DLG2: variants seen among roughly 807,000 people sequenced by gnomAD.
DLG2 encodes discs large MAGUK scaffold protein 2.
Under a neutral mutation model 132.5 loss-of-function variants are expected in DLG2, and 45 were observed. The ratio of observed to expected loss-of-function variants is 0.34; its 90% CI spans 0.27 to 0.44. The LOEUF is 0.44. DLG2 is among the 20% of genes least tolerant of loss of function. DLG2 has a pLI of 1.00. For synonymous variants in DLG2, 424 were observed against 419.6 expected, an observed-to-expected ratio of 1.01 and a Z score of -0.13; for missense variants, 1,045 against 1,196.9, an observed-to-expected ratio of 0.87 and a Z score of 1.87.
intron 8 of DLG2, among the ~76,000 whole-genome samples, chr11:84,218,237 AAAGG>A (rs200076539): frequency 0.048 from 7,164 of 148,014 alleles, 249 homozygotes; most frequent in Non-Finnish European, 0.076. Context: ...GGAAGGAAGG[AAAGG>A]AAGGAAGGAA....
chr11:85,449,536 CTTATA>C lies in DLG2; in HGVS notation c.40+149116_40+149120del, dbSNP rs1375111837. 2.0e-5 allele frequency among the ~76,000 whole-genome samples: 3 copies of C among 151,576 alleles called. No individual in the cohort carries two copies. In the East Asian group the frequency reaches 5.8e-4, roughly 29 times the overall value. On this transcript the variant is annotated intron_variant, in intron 3 of 27. Coordinates refer to ENST00000376104, the MANE Select transcript of DLG2 (RefSeq NM_001142699.3). The stretch of plus-strand genomic sequence containing the variant: ...CTTTTTAATTATATCTTATTCCTTT[CTTATA>C]TTAGAGAGTACATGCTTTATTTAAA...
chr11:85,051,364 A>T (rs528778097), intron 6 of DLG2, among the ~76,000 whole-genome samples: 2 of 152,294 alleles, frequency 1.3e-5, no homozygotes, highest in Non-Finnish European at 2.9e-5. Flanking sequence ...AAATTATTCA[A>T]ATTTGCAGAG....
chr11:83,490,413 C>G (rs1272746001), intron 21 of DLG2, among the ~76,000 whole-genome samples: 2 of 151,834 alleles, frequency 1.3e-5, no homozygotes, highest in African/African-American at 2.4e-5. Flanking sequence ...AAAAGCTCTT[C>G]TTTAGAGTAT....
chr11:84,053,369 T>C (rs898898720), intron 11 of DLG2, among the ~76,000 whole-genome samples: 15 of 151,942 alleles, frequency 9.9e-5, no homozygotes, highest in Non-Finnish European at 2.1e-4. Context: ...CCAACCACCA[T>C]GGCACACGTT....
At chr11:84,228,309 T>G (rs1566993169) in intron 8 of DLG2, among the ~76,000 whole-genome samples, 1 of 152,236 alleles carries the variant, frequency 6.6e-6, no homozygotes, top group Non-Finnish European at 1.5e-5. Context: ...ATTTAGGGAC[T>G]AATTGTTCTC....
intron 18 of DLG2, among the ~76,000 whole-genome samples, chr11:83,739,356 C>T (rs953329687): frequency 1.3e-5 from 2 of 152,056 alleles, no homozygotes; most frequent in Non-Finnish European, 2.9e-5. Context: ...TTCTACTAAT[C>T]GTTTCTATGG....
intron 19 of DLG2, among the ~76,000 whole-genome samples, chr11:83,556,191 C>T (rs17145519): frequency 0.013 from 2,023 of 152,094 alleles, 47 homozygotes; most frequent in African/African-American, 0.047. Context: ...AAATCTCGTT[C>T]GAAGTTTGAC....
chr11:84,409,509 G>C (rs2098886700), intron 7 of DLG2, among the ~76,000 whole-genome samples: 1 of 152,146 alleles, frequency 6.6e-6, no homozygotes, highest in African/African-American at 2.4e-5. Flanking sequence ...CATACAACAT[G>C]TTGCACACAT....
intron 15 of DLG2, among the ~76,000 whole-genome samples, chr11:83,890,008 C>T (rs1489925912): frequency 1.3e-5 from 2 of 151,694 alleles, no homozygotes; most frequent in Non-Finnish European, 2.9e-5. Context: ...ATACCTAATG[C>T]TAACTGACGA....
At chr11:83,468,855 AT>A (rs2091592983) in intron 25 of DLG2, among the ~76,000 whole-genome samples, 1 of 152,162 alleles carries the variant, frequency 6.6e-6, no homozygotes, top group Non-Finnish European at 1.5e-5. Flanking sequence ...GAGAAAAAAA[AT>A]AACTTCCTCT....
Position 85,148,326 on chromosome 11 carries a change from C to A in DLG2, c.282+6230G>T, listed in dbSNP as rs139174808. On this transcript the variant is annotated intron_variant, in intron 5 of 27. Coordinates refer to ENST00000376104, the MANE Select transcript of DLG2 (RefSeq NM_001142699.3). Reference sequence around the variant, plus strand: ...TGGTTGTAGATCTTTGAGGAATTGGCACACTGTCTTCCACAACAGTTGAAC... The same window carrying A: ...TGGTTGTAGATCTTTGAGGAATTGGAACACTGTCTTCCACAACAGTTGAAC... Among the ~76,000 whole-genome samples, 286 of 152,212 alleles carry A rather than the reference C, an allele frequency of 1.9e-3. 1 individual carries two copies. The highest frequency in any genetic ancestry group is 6.7e-3 in the African/African-American group (278 of 41,512).
intron 7 of DLG2, among the ~76,000 whole-genome samples, chr11:84,476,872 T>A (rs921738320): frequency 3.3e-5 from 5 of 152,098 alleles, no homozygotes; most frequent in Admixed American, 2.6e-4. Context: ...ACATTCAGAG[T>A]GCAGACATAT....
chr11:85,351,252 T>C (rs1007012652), intron 3 of DLG2, among the ~76,000 whole-genome samples: 1 of 152,226 alleles, frequency 6.6e-6, no homozygotes, highest in Non-Finnish European at 1.5e-5. Flanking sequence ...TTTTTGCACA[T>C]TGATTTTTTA....
chr11:85,331,530 C>T (rs2081745866), intron 3 of DLG2, among the ~76,000 whole-genome samples: 1 of 152,008 alleles, frequency 6.6e-6, no homozygotes, highest in Non-Finnish European at 1.5e-5. Context: ...AAATTGCATG[C>T]CACTGGGATT....
At chr11:84,084,990 A>C (rs2096956670) in intron 10 of DLG2, among the ~76,000 whole-genome samples, 1 of 152,192 alleles carries the variant, frequency 6.6e-6, no homozygotes, top group Non-Finnish European at 1.5e-5. Flanking sequence ...CCTCTACTGC[A>C]ACAGTCCCTG....
At chr11:84,335,852 G>A (rs1228390641) in intron 7 of DLG2, among the ~76,000 whole-genome samples, 2 of 152,022 alleles carry the variant, frequency 1.3e-5, no homozygotes, top group Non-Finnish European at 2.9e-5. Flanking sequence ...ACATTGCAAG[G>A]GCTCAAATTT....
chr11:83,684,526 G>A (rs2079392875), intron 18 of DLG2: 1 of 152,152 alleles, frequency 6.6e-6, no homozygotes, highest in Non-Finnish European at 1.5e-5. Context: ...ATACTTAATA[G>A]TAGGTACTAT....
chr11:83,918,239 A>G (rs1286321537), intron 15 of DLG2, among the ~76,000 whole-genome samples: 1 of 152,156 alleles, frequency 6.6e-6, no homozygotes, highest in East Asian at 1.9e-4. Flanking sequence ...AACCAACAGT[A>G]TACGTATAGG....
chr11:85,185,461 G>A (rs1469242896), intron 4 of DLG2, among the ~76,000 whole-genome samples: 2 of 151,862 alleles, frequency 1.3e-5, no homozygotes, highest in Non-Finnish European at 2.9e-5. Flanking sequence ...TGGTTGTTTT[G>A]GACTAAATGT....
Sources: allele counts gnomAD v4.1 joint callset (sites outside exome capture counted in the v4.1 genomes callset), GRCh38; gene constraint gnomAD v4.1.1; transcripts MANE v1.5; gene names NCBI Gene and HGNC (gene_info 2026-07-23, HGNC 2026-07-21).